SLC39A11: variants seen among roughly 807,000 people sequenced by gnomAD.
SLC39A11 encodes the protein zinc transporter ZIP11.
In SLC39A11, 33 loss-of-function variants were observed where a neutral mutation model predicts 36.1. The observed-to-expected ratio is 0.91, with a 90% CI of 0.69 to 1.22. The LOEUF (loss-of-function observed/expected upper bound fraction) is 1.22, where lower values mean the gene tolerates loss of function less well. SLC39A11 is among the 50% of genes most tolerant of loss of function. The pLI is 0.00. For synonymous variants in SLC39A11, 166 were observed against 170.3 expected (o/e 0.97, Z 0.20); for missense variants, 432 against 430.3 (o/e 1.00, Z -0.03).
intron 5 of SLC39A11, among the ~76,000 whole-genome samples, chr17:72,871,056 G>GTTTTTTTTTTTTTTTT: frequency 8.0e-6 from 1 of 124,316 alleles, no homozygotes; most frequent in Non-Finnish European, 1.7e-5. Flanking sequence ...TTTTGTTTTT[G>GTTTTTTTTTTTTTTTT]TTTTTTTTTT....
chr17:72,764,501 G>A (rs2075697309), intron 6 of SLC39A11, among the ~76,000 whole-genome samples: 1 of 152,138 alleles, frequency 6.6e-6, no homozygotes, highest in Non-Finnish European at 1.5e-5. Flanking sequence ...GGGTCCTTAG[G>A]GGGATGACAG....
intron 3 of SLC39A11, among the ~76,000 whole-genome samples, chr17:73,047,275 C>T (rs1181552133): frequency 2.0e-5 from 3 of 152,092 alleles, no homozygotes; most frequent in East Asian, 2.0e-4. Flanking sequence ...CCGCCCGCCT[C>T]GGCCTCCCAA....
chr17:72,895,662 T>C (rs1350644112), intron 5 of SLC39A11, among the ~76,000 whole-genome samples: 2 of 152,148 alleles, frequency 1.3e-5, no homozygotes, highest in Non-Finnish European at 2.9e-5. Context: ...CTGCCACCCT[T>C]ACCCTAAAGG....
intron 6 of SLC39A11, among the ~76,000 whole-genome samples, chr17:72,774,261 T>A (rs1461481240): frequency 6.6e-6 from 1 of 152,146 alleles, no homozygotes. Flanking sequence ...ACTCAAGGTG[T>A]GTCTAATGGG....
intron 5 of SLC39A11, among the ~76,000 whole-genome samples, chr17:72,863,720 G>A (rs2080160200): frequency 1.3e-5 from 2 of 152,354 alleles, no homozygotes; most frequent in South Asian, 2.1e-4. Flanking sequence ...AGAGGCAGGT[G>A]GTAGGGGTGG....
chr17:72,763,504 T>C (rs764168383), intron 6 of SLC39A11, among the ~76,000 whole-genome samples: 1 of 152,224 alleles, frequency 6.6e-6, no homozygotes, highest in South Asian at 2.1e-4. Context: ...TTTTATTAGA[T>C]AACACCTGTT....
chr17:72,769,269 C>T lies in SLC39A11; in HGVS notation c.602-32550G>A, dbSNP rs577660766. On this transcript the variant is annotated intron_variant, in intron 6 of 9. Coordinates refer to ENST00000255559, the MANE Select transcript of SLC39A11 (RefSeq NM_139177.4). ...CTTCCACGGCACTCATCTTTCTTTC[C>T]AACGTGTCACTCATATACAGTGTTG... is the stretch of plus-strand genomic sequence containing the variant. Among the ~76,000 whole-genome samples the T allele has an allele frequency of 3.9e-5, 6 of 152,326 alleles. No homozygotes were observed. In the South Asian group the frequency reaches 1.2e-3, roughly 32 times the overall value.
intron 6 of SLC39A11, among the ~76,000 whole-genome samples, chr17:72,849,232 T>C (rs762250482): frequency 6.6e-6 from 1 of 152,150 alleles, no homozygotes; most frequent in Non-Finnish European, 1.5e-5. Flanking sequence ...AATCTGAGTG[T>C]AAGTGAACTC....
At chr17:72,964,815 C>T (rs553228046) in intron 4 of SLC39A11, among the ~76,000 whole-genome samples, 146 of 152,222 alleles carry the variant, frequency 9.6e-4, no homozygotes, top group Middle Eastern at 3.4e-3. Flanking sequence ...ATGTTTATTG[C>T]GGCACTATGC....
intron 6 of SLC39A11, among the ~76,000 whole-genome samples, chr17:72,840,356 T>C (rs924594927): frequency 2.0e-5 from 3 of 152,238 alleles, no homozygotes. Flanking sequence ...CCCTCTTCTC[T>C]GGACCTTTAA....
intron 5 of SLC39A11, among the ~76,000 whole-genome samples, chr17:72,875,527 T>G (rs1022514731): frequency 6.6e-6 from 1 of 152,200 alleles, no homozygotes. Context: ...AACCCACTGA[T>G]GCCAAATGCT....
intron 7 of SLC39A11, among the ~76,000 whole-genome samples, chr17:72,711,323 G>A (rs575135898): frequency 8.5e-5 from 13 of 152,278 alleles, no homozygotes; most frequent in South Asian, 2.1e-4. Flanking sequence ...GGGAAAAGAC[G>A]GGTGCAACTT....
At chr17:72,747,259 T>G (rs2074976380) in intron 6 of SLC39A11, among the ~76,000 whole-genome samples, 1 of 152,164 alleles carries the variant, frequency 6.6e-6, no homozygotes, top group South Asian at 2.1e-4. Context: ...CTCAGTTCAC[T>G]GCAACTTCCA....
At chr17:72,852,680 G>A (rs558557355) in intron 5 of SLC39A11, among the ~76,000 whole-genome samples, 1 of 152,328 alleles carries the variant, frequency 6.6e-6, no homozygotes, top group African/African-American at 2.4e-5. Flanking sequence ...GCACATGTGT[G>A]CACTTCTGTG....
At chr17:72,830,797 T>C (rs906385753) in intron 6 of SLC39A11, among the ~76,000 whole-genome samples, 2 of 152,102 alleles carry the variant, frequency 1.3e-5, no homozygotes, top group African/African-American at 4.8e-5. Flanking sequence ...CTGAGTTCCT[T>C]AGTGCCTGAA....
At chr17:72,908,287 G>T (rs1299734824) in intron 5 of SLC39A11, among the ~76,000 whole-genome samples, 1 of 152,194 alleles carries the variant, frequency 6.6e-6, no homozygotes, top group African/African-American at 2.4e-5. Context: ...CTTTTTCTCA[G>T]ATAAAGAATA....
At chr17:73,085,679 G>A (rs1256888597) in intron 2 of SLC39A11, among the ~76,000 whole-genome samples, 1 of 150,066 alleles carries the variant, frequency 6.7e-6, no homozygotes, top group African/African-American at 2.4e-5. Flanking sequence ...CACAATGGCG[G>A]TGCAAACGGG....
intron 6 of SLC39A11, among the ~76,000 whole-genome samples, chr17:72,802,820 C>G (rs1178496259): frequency 6.6e-6 from 1 of 151,994 alleles, no homozygotes; most frequent in Non-Finnish European, 1.5e-5. Context: ...AGAGGCTGCC[C>G]CTATCTGTCA....
chr17:72,977,702 CACAA>C (rs768559374), intron 4 of SLC39A11, among the ~76,000 whole-genome samples: 3 of 152,144 alleles, frequency 2.0e-5, no homozygotes, highest in Admixed American at 6.5e-5. Flanking sequence ...CCATAAAACA[CACAA>C]ACAAAGGGCT....
Sources: allele counts gnomAD v4.1 joint callset (sites outside exome capture counted in the v4.1 genomes callset), GRCh38; gene constraint gnomAD v4.1.1; transcripts MANE v1.5; gene names NCBI Gene and HGNC (gene_info 2026-07-23, HGNC 2026-07-21).